SYT16: variants seen among roughly 807,000 people sequenced by gnomAD.
SYT16 encodes the protein synaptotagmin-16.
A neutral mutation model predicts 61.4 loss-of-function variants in SYT16; 42 were observed. The observed-to-expected ratio is 0.68, with a 90% CI of 0.53 to 0.89. The LOEUF (loss-of-function observed/expected upper bound fraction) is 0.89. SYT16 is among the 40% of genes least tolerant of loss of function. The pLI is 0.00. For synonymous variants in SYT16, 314 were observed against 302.3 expected, an observed-to-expected ratio of 1.04 and a Z score of -0.40; for missense variants, 804 against 807.3, an observed-to-expected ratio of 1.00 and a Z score of 0.05.
At chr14:62,069,856 C>T (rs2056228235) in intron 4 of SYT16, 41 bp downstream of exon 4, 1 of 1,588,538 alleles carries the variant, frequency 6.3e-7, no homozygotes, top group African/African-American at 1.3e-5. Flanking sequence ...CCAGGGATGG[C>T]CAATGGTAAG....
In SYT16 at chr14:61,864,794, C is replaced by T. The variant is rs2047085616; in HGVS notation, c.-325+51984C>T. 8.5e-6 allele frequency: 8 copies of T among 944,426 alleles called. 1 individual carries two copies. Among genetic ancestry groups the T allele is most frequent in the South Asian group, 7.6e-5 (5 of 65,848 alleles). The allele number at this position is 944,426 out of a possible 1,614,324, so 58.5% of individuals were successfully genotyped here. Reference sequence around the variant, plus strand: ...CCGGTTGGGCCCTAGTGTCTGCCAGCGCCTGGAGGGCTAAATCACAGTCTA... The same window carrying T: ...CCGGTTGGGCCCTAGTGTCTGCCAGTGCCTGGAGGGCTAAATCACAGTCTA... On this transcript the variant is annotated intron_variant, in intron 1 of 7. Transcript: ENST00000683842.
chr14:62,006,662 G>A (rs766884159), intron 3 of SYT16, among the ~76,000 whole-genome samples: 1 of 152,132 alleles, frequency 6.6e-6, no homozygotes, highest in African/African-American at 2.4e-5. Context: ...ACTACTTATA[G>A]TGTCATCCCA....
intron 3 of SYT16, among the ~76,000 whole-genome samples, chr14:62,020,240 T>G (rs1416631121): frequency 6.6e-6 from 1 of 152,156 alleles, no homozygotes; most frequent in Non-Finnish European, 1.5e-5. Flanking sequence ...CTCAATTATT[T>G]CATTTTCTTA....
chr14:61,963,934 G>A (rs1384653680), intron 1 of SYT16, among the ~76,000 whole-genome samples: 1 of 152,122 alleles, frequency 6.6e-6, no homozygotes, highest in East Asian at 1.9e-4. Context: ...AACAAAGCCT[G>A]GATGACAGCA....
chr14:61,906,267 A>G (rs2048705767), intron 1 of SYT16, among the ~76,000 whole-genome samples: 1 of 152,072 alleles, frequency 6.6e-6, no homozygotes, highest in African/African-American at 2.4e-5. Context: ...CCATAAAATA[A>G]TTTTCTTCAT....
At chr14:61,901,735 T>G (rs2140358835) in intron 1 of SYT16, among the ~76,000 whole-genome samples, 1 of 146,790 alleles carries the variant, frequency 6.8e-6, no homozygotes, top group South Asian at 2.1e-4. Context: ...ATAGTGTTCA[T>G]CTGCTTATAA....
At chr14:62,085,584 C>A (rs56122901) in intron 7 of SYT16, among the ~76,000 whole-genome samples, 15,298 of 152,236 alleles carry the variant, frequency 0.1, 1,061 homozygotes, top group South Asian at 0.23. Flanking sequence ...TCTCCTACAA[C>A]TGAATCTGGG....
intron 2 of SYT16, among the ~76,000 whole-genome samples, chr14:61,990,815 C>T (rs1311827529): frequency 6.6e-6 from 1 of 152,102 alleles, no homozygotes; most frequent in Non-Finnish European, 1.5e-5. Context: ...GGATGGAATA[C>T]CTCTTCTCTG....
Position 62,078,155 on chromosome 14 carries a change from C to CTATATATATA in SYT16, c.994-2672_994-2663dup, listed in dbSNP as rs374965535. Among the ~76,000 whole-genome samples the CTATATATATA allele has an allele frequency of 8.5e-3, 1,155 of 135,852 alleles. 19 individuals carry two copies. Among genetic ancestry groups the CTATATATATA allele is most frequent in the African/African-American group, 0.025 (865 of 34,702 alleles). The allele number at this position is 135,852 out of a possible 152,430, so 89.1% of individuals were successfully genotyped here. On this transcript the variant is annotated intron_variant, in intron 5 of 7. Transcript: ENST00000683842. The stretch of plus-strand genomic sequence containing the variant: ...GCTCTCTCGCTCTCTCTCTCTCTCT[C>CTATATATATA]TATATATATATATATAAACACACAC...
intron 3 of SYT16, among the ~76,000 whole-genome samples, chr14:61,999,868 T>A (rs1304312305): frequency 6.6e-6 from 1 of 151,794 alleles, no homozygotes; most frequent in Non-Finnish European, 1.5e-5. Context: ...TCTATATATT[T>A]TTCTGTTGTT....
At chr14:61,900,338 AG>A (rs1280120976) in intron 1 of SYT16, among the ~76,000 whole-genome samples, 1 of 152,052 alleles carries the variant, frequency 6.6e-6, no homozygotes, top group Non-Finnish European at 1.5e-5. Flanking sequence ...TTGTATTTGT[AG>A]TAGAGACGGG....
intron 1 of SYT16, among the ~76,000 whole-genome samples, chr14:61,910,229 TTTTTGTTTTG>T (rs141861330): frequency 0.89 from 133,896 of 151,232 alleles, 59,406 homozygotes; most frequent in East Asian, 0.98. Flanking sequence ...CTGTCTCCTT[TTTTTGTTTTG>T]TTTTGTTTTG....
At position 61,870,655 on chromosome 14, in the gene SYT16, T is replaced by G. The variant is rs542287707; in HGVS notation, c.-325+57845T>G. On this transcript the variant is annotated intron_variant, in intron 1 of 7. Transcript: ENST00000683842. ...TTTCTTTTCTTAAAAGTCTTTTTAC[T>G]CTGTGTGTTTTATTTTGTCTAGGTT... Among the ~76,000 whole-genome samples the G allele has an allele frequency of 2.0e-5, 3 of 152,272 alleles. No homozygotes were observed. In the East Asian group the frequency reaches 5.8e-4, roughly 29 times the overall value.
chr14:62,095,769 GT>G (rs926331564), intron 7 of SYT16, among the ~76,000 whole-genome samples: 4 of 151,586 alleles, frequency 2.6e-5, no homozygotes, highest in Admixed American at 2.0e-4. Flanking sequence ...ATCTTGTTTT[GT>G]TTTTTACAGA....
intron 3 of SYT16, among the ~76,000 whole-genome samples, chr14:62,064,858 T>C (rs554360917): frequency 1.3e-5 from 2 of 152,318 alleles, no homozygotes; most frequent in Middle Eastern, 6.8e-3. Flanking sequence ...GCCTGGCATG[T>C]GATAAATGCT....
intron 3 of SYT16, among the ~76,000 whole-genome samples, chr14:62,034,045 A>C (rs1327811015): frequency 6.6e-6 from 1 of 152,226 alleles, no homozygotes; most frequent in Non-Finnish European, 1.5e-5. Flanking sequence ...AGAGAACTTG[A>C]ATATGTCTAT....
At chr14:61,867,253 A>G (rs2047187887) in intron 1 of SYT16, among the ~76,000 whole-genome samples, 1 of 151,970 alleles carries the variant, frequency 6.6e-6, no homozygotes, top group Admixed American at 6.6e-5. Context: ...TTCCATGTCA[A>G]TTTTAGAATT....
At chr14:62,064,854 C>T (rs1189812473) in intron 3 of SYT16, among the ~76,000 whole-genome samples, 1 of 152,160 alleles carries the variant, frequency 6.6e-6, no homozygotes, top group Non-Finnish European at 1.5e-5. Flanking sequence ...CAATGCCTGG[C>T]ATGTGATAAA....
chr14:61,879,206 GTTA>G (rs1196562208), intron 1 of SYT16, among the ~76,000 whole-genome samples: 5 of 152,044 alleles, frequency 3.3e-5, no homozygotes, highest in African/African-American at 1.2e-4. Context: ...GGACAACTGT[GTTA>G]TTAATACTTT....
Sources: allele counts gnomAD v4.1 joint callset (sites outside exome capture counted in the v4.1 genomes callset), GRCh38; gene constraint gnomAD v4.1.1; transcripts MANE v1.5; gene names NCBI Gene and HGNC (gene_info 2026-07-23, HGNC 2026-07-21).